Variants in CD70 observed in about 807,000 individuals in gnomAD.
CD70 encodes the protein CD70 antigen.
CD70 carries 6 observed loss-of-function variants against 9.0 expected under a neutral mutation model. The ratio of observed to expected loss-of-function variants is 0.67; its 90% confidence interval spans 0.37 to 1.32. The LOEUF (loss-of-function observed/expected upper bound fraction) is 1.32, where lower values mean the gene tolerates loss of function less well. Ranked by LOEUF, CD70 falls within the 40% of genes most tolerant of loss-of-function variation. The pLI, the probability that CD70 is intolerant of heterozygous loss-of-function variation, is 0.02. For synonymous variants in CD70, 108 were observed against 112.3 expected, an observed-to-expected ratio of 0.96 and a Z score of 0.24; for missense variants, 235 against 258.7, an observed-to-expected ratio of 0.91 and a Z score of 0.63.
At chr19:6,588,165 G>T (rs1288107525) in intron 2 of CD70, among the ~76,000 whole-genome samples, 1 of 152,130 alleles carries the variant, frequency 6.6e-6, no homozygotes, top group Non-Finnish European at 1.5e-5. Flanking sequence ...GAGCCCCAAG[G>T]GTGTTTACCA....
At chr19:6,583,847 C>T (rs374448425), downstream of CD70, among the ~76,000 whole-genome samples, 1 of 142,526 alleles carries the variant, frequency 7.0e-6, no homozygotes, top group East Asian at 2.1e-4. Flanking sequence ...GGCTGGAGTG[C>T]AATGACATGA....
chr19:6,590,187 A>G lies in CD70; in HGVS notation c.163-51T>C, dbSNP rs1357928891. On this transcript the variant is annotated intron_variant, in intron 1 of 2. Coordinates refer to ENST00000245903, the MANE Select transcript of CD70 (RefSeq NM_001252.5). This position sits in a 1 kb window ranked among gnomAD's most constrained non-coding sequence, Gnocchi z 5.3. Reference sequence around the variant, plus strand: ...GCACGGACGTAAGCAGAGAGGTTCTATGTGTCCCCTGTGCCAGGAGCTCTC... The same window carrying G: ...GCACGGACGTAAGCAGAGAGGTTCTGTGTGTCCCCTGTGCCAGGAGCTCTC... The G allele has an allele frequency of 2.7e-6, 4 of 1,491,490 alleles. No homozygotes were observed. In the Admixed American group the frequency reaches 5.0e-5, roughly 19 times the overall value. The allele number at this position is 1,491,490 out of a possible 1,614,324, so 92.4% of individuals were successfully genotyped here.
In CD70 at chr19:6,586,201, G is replaced by A. The variant is rs987184469; in HGVS notation, c.401C>T (p.Ser134Phe). 4 of 1,614,152 alleles carry A rather than the reference G, an allele frequency of 2.5e-6. No homozygotes were observed. The highest frequency in any genetic ancestry group is 3.4e-6 in the Non-Finnish European group (4 of 1,180,028). Residue 134 changes from serine (S) to phenylalanine (F), a missense_variant, in exon 3 of 3, where the codon TCT becomes TTT. By Grantham distance (155) the Ser-to-Phe change is radical (BLOSUM62 -2). Transcript: ENST00000245903. ...HPTTLAVGIC[S>F]PASRSISLLR... ...CAGGCTGATGCTACGGGAGGCGGGA[G>A]AGCAGATTCCCACGGCCAGGGTGGT...
Position 6,585,881 on chromosome 19 carries a change from A to T in CD70, c.*139T>A. ...AATAGGAAAATGAAAGAAAAAGCTCAATGCCTTCTCTTGTCCTGCCACCAC... is the reference window on the plus strand; with the variant it reads ...AATAGGAAAATGAAAGAAAAAGCTCTATGCCTTCTCTTGTCCTGCCACCAC... On this transcript the variant is annotated 3_prime_UTR_variant, in exon 3 of 3. Transcript: ENST00000245903. The T allele has an allele frequency of 1.7e-6, 1 of 602,112 alleles. No homozygotes were observed. The allele number at this position is 602,112 out of a possible 1,614,324, so 37.3% of individuals were successfully genotyped here. A position where few individuals can be genotyped will look rare whatever the true frequency, so the allele number is the denominator to read the frequency against.
chr19:6,589,999 CTG>C (rs759177690), intron 2 of CD70, 102 bp downstream of exon 2: 8 of 873,658 alleles, frequency 9.2e-6, no homozygotes, highest in Non-Finnish European at 1.3e-5. Context: ...CCGTCTCTGT[CTG>C]TGTCTCTTTC....
At chr19:6,582,506 C>T (rs940048530), downstream of CD70, among the ~76,000 whole-genome samples, 3 of 151,336 alleles carry the variant, frequency 2.0e-5, no homozygotes, top group African/African-American at 7.3e-5. Flanking sequence ...CCCTCCCCCC[C>T]TCCCCCGACT....
intron 2 of CD70, among the ~76,000 whole-genome samples, chr19:6,588,823 T>C (rs1225621453): frequency 1.3e-5 from 2 of 152,184 alleles, no homozygotes; most frequent in Admixed American, 1.3e-4. Flanking sequence ...GGTCATCTCC[T>C]CCTCGGTAGG....
At position 6,586,051 on chromosome 19, in the gene CD70, G is replaced by T; in HGVS notation, c.551C>A (p.Thr184Asn). 6.2e-7 allele frequency: 1 copy of T among 1,613,824 alleles called. No individual in the cohort carries two copies. Among genetic ancestry groups the T allele is most frequent in the Non-Finnish European group, 8.5e-7 (1 of 1,179,764 alleles). ...GCGCACCCACTGCACTCCAAAGAAG[G>T]TCTCATCAGTGTTTCGGGAAGGCAA... ...TLLPSRNTDE[T>N]FFGVQWVRP Residue 184 changes from threonine to asparagine, a missense_variant, in exon 3 of 3, where the codon ACC becomes AAC. By Grantham distance (65) the Thr-to-Asn change is moderately conservative. Coordinates refer to ENST00000245903, the MANE Select transcript of CD70 (RefSeq NM_001252.5).
In CD70 at chr19:6,590,400, G is replaced by C. The variant is rs1181386816; in HGVS notation, c.163-264C>G. 6.6e-6 allele frequency among the ~76,000 whole-genome samples: 1 copy of C among 152,104 alleles called. No individual in the cohort carries two copies. Among genetic ancestry groups the C allele is most frequent in the Non-Finnish European group, 1.5e-5 (1 of 68,002 alleles). On this transcript the variant is annotated intron_variant, in intron 1 of 2. Transcript: ENST00000245903. This position sits in a 1 kb window ranked among gnomAD's most constrained non-coding sequence, Gnocchi z 5.3. Reference sequence around the variant, plus strand: ...CGAATCGTTTTCCTGGATGTCACTGGGCGCGAGAGCACCGCGCGCAGCGGA... The same window carrying C: ...CGAATCGTTTTCCTGGATGTCACTGCGCGCGAGAGCACCGCGCGCAGCGGA...
chr19:6,582,787 A>C (rs1032260216), downstream of CD70, among the ~76,000 whole-genome samples: 5 of 152,082 alleles, frequency 3.3e-5, no homozygotes, highest in African/African-American at 1.2e-4. Flanking sequence ...GGTTGGTTCC[A>C]AGTCTTTGCT....
At chr19:6,583,233 T>A, downstream of CD70, 1 of 581,844 alleles carries the variant, frequency 1.7e-6, no homozygotes, top group Admixed American at 2.8e-5. Context: ...TTTCTGCCAC[T>A]ATTTTCCTCA....
downstream of CD70, chr19:6,583,582 A>C: frequency 1.9e-6 from 1 of 527,760 alleles, no homozygotes; most frequent in Non-Finnish European, 3.3e-6. Context: ...TTTTTTAAAG[A>C]CAGTCTCACT....
chr19:6,583,420 T>C (rs1337389593), downstream of CD70: 1 of 694,788 alleles, frequency 1.4e-6, no homozygotes, highest in Non-Finnish European at 2.6e-6. Flanking sequence ...GTGCAGTCCA[T>C]ATTAAATGCC....
downstream of CD70, among the ~76,000 whole-genome samples, chr19:6,584,747 T>C (rs1334068346): frequency 2.7e-5 from 4 of 146,706 alleles, no homozygotes; most frequent in African/African-American, 7.5e-5. Context: ...GTGCTGGCGG[T>C]CCTAGCTATT....
downstream of CD70, chr19:6,583,593 C>T (rs72982503): frequency 0.09 from 47,947 of 535,368 alleles, 2,554 homozygotes; most frequent in Middle Eastern, 0.13. Flanking sequence ...CAGTCTCACT[C>T]TGCCACCCAG....
chr19:6,586,902 CAAAAAA>C (rs55803401), intron 2 of CD70, among the ~76,000 whole-genome samples: 17 of 85,342 alleles, frequency 2.0e-4, no homozygotes, highest in African/African-American at 5.5e-4. Context: ...GAGAGAGAGA[CAAAAAA>C]AAAAAAAAAA....
At position 6,590,779 on chromosome 19, in the gene CD70, TTCTG is replaced by T. The variant is rs1373062263; in HGVS notation, c.162+58_162+61del. On this transcript the variant is annotated intron_variant, in intron 1 of 2. Coordinates refer to ENST00000245903, the MANE Select transcript of CD70 (RefSeq NM_001252.5). The surrounding 1 kb of genome is among the most constrained non-coding windows in gnomAD (Gnocchi z 5.3). ...CTCTGGCCTCTTTGTACCCATCTCA[TTCTG>T]TCTTTTCGGTCACGCGCCTCTCTAT... 7.1e-7 allele frequency: 1 copy of T among 1,405,710 alleles called. No homozygotes were observed. The highest frequency in any genetic ancestry group is 1.0e-6 in the Non-Finnish European group (1 of 1,001,656). The allele number at this position is 1,405,710 out of a possible 1,614,324, so 87.1% of individuals were successfully genotyped here. A position where few individuals can be genotyped will look rare whatever the true frequency, so the allele number is the denominator to read the frequency against.
downstream of CD70, among the ~76,000 whole-genome samples, chr19:6,584,447 A>G (rs1333538923): frequency 6.6e-6 from 1 of 151,924 alleles, no homozygotes; most frequent in Non-Finnish European, 1.5e-5. Flanking sequence ...TGGAGGTTGC[A>G]GTGAGCTGAG....
rs769614613 is a variant in CD70 at position 6,590,092 on chromosome 19, C to G, written c.196+11G>C. Reference sequence around the variant, plus strand: ...CTTCTTCTCCCCGTCCCTCCACGTCCCCCGTGTTACCTGTGTGATTCAGCT... The same window carrying G: ...CTTCTTCTCCCCGTCCCTCCACGTCGCCCGTGTTACCTGTGTGATTCAGCT... On this transcript the variant is annotated intron_variant, in intron 2 of 2. Transcript: ENST00000245903. This position sits in a 1 kb window ranked among gnomAD's most constrained non-coding sequence, Gnocchi z 5.3. The G allele has an allele frequency of 1.2e-6, 2 of 1,611,940 alleles. No homozygotes were observed. Among genetic ancestry groups the G allele is most frequent in the Non-Finnish European group, 1.7e-6 (2 of 1,178,206 alleles).
Sources: allele counts gnomAD v4.1 joint callset (sites outside exome capture counted in the v4.1 genomes callset), GRCh38; gene constraint gnomAD v4.1.1; non-coding constraint Gnocchi (gnomAD v3.1); transcripts MANE v1.5; gene names NCBI Gene and HGNC (gene_info 2026-07-23, HGNC 2026-07-21).